The following ANKRD6 variants were observed in gnomAD, a reference collection of about 807,000 sequenced individuals.
ANKRD6 encodes the protein ankyrin repeat domain 6, also known as ankyrin repeat domain-containing protein 6.
In ANKRD6, 56 loss-of-function variants were observed where a neutral mutation model predicts 82.3. The observed-to-expected ratio is 0.68, with a 90% CI of 0.55 to 0.85. The LOEUF (loss-of-function observed/expected upper bound fraction) is 0.85. ANKRD6 is among the 40% of genes least tolerant of loss of function. The pLI is 0.00. For synonymous variants in ANKRD6, 347 were observed against 352.1 expected (o/e 0.99, Z 0.16); for missense variants, 852 against 907.6 (o/e 0.94, Z 0.79).
intron 1 of ANKRD6, among the ~76,000 whole-genome samples, chr6:89,510,123 G>A (rs1438787512): frequency 6.6e-6 from 1 of 152,194 alleles, no homozygotes; most frequent in Non-Finnish European, 1.5e-5. Flanking sequence ...GCCCTCTGCT[G>A]TGGAGACTGG....
At chr6:89,491,601 A>G (rs1347835385) in intron 1 of ANKRD6, among the ~76,000 whole-genome samples, 1 of 151,756 alleles carries the variant, frequency 6.6e-6, no homozygotes, top group African/African-American at 2.4e-5. Flanking sequence ...GAACACTTGG[A>G]CACAGGAAGG....
chr6:89,519,275 C>G (rs568684883), intron 1 of ANKRD6, among the ~76,000 whole-genome samples: 1 of 152,300 alleles, frequency 6.6e-6, no homozygotes, highest in East Asian at 1.9e-4. Flanking sequence ...GAGAAAAGAT[C>G]AGAAGAAGCC....
chr6:89,554,345 C>T (rs147025995), intron 1 of ANKRD6, among the ~76,000 whole-genome samples: 130 of 152,242 alleles, frequency 8.5e-4, no homozygotes, highest in African/African-American at 3.0e-3. Context: ...GGTCACATGG[C>T]CTCTTTTTCT....
At chr6:89,602,972 G>A in intron 3 of ANKRD6, 57 bp from the exon 4 acceptor site, 1 of 1,428,102 alleles carries the variant, frequency 7.0e-7, no homozygotes, top group Non-Finnish European at 9.6e-7. Context: ...AGTGAGTAGT[G>A]CAAGCAGGGG....
intron 3 of ANKRD6, chr6:89,601,973 A>G (rs1797284438): frequency 6.6e-6 from 1 of 152,110 alleles, no homozygotes; most frequent in Non-Finnish European, 1.5e-5. Context: ...AACTTCACAA[A>G]ACTCTGACCA....
chr6:89,602,814 C>T, intron 3 of ANKRD6: 2 of 541,128 alleles, frequency 3.7e-6, no homozygotes, highest in South Asian at 4.9e-5. Context: ...AGGTCCCCCT[C>T]TTAGTTTATG....
intron 1 of ANKRD6, among the ~76,000 whole-genome samples, chr6:89,470,765 C>G (rs1328023530): frequency 6.6e-6 from 1 of 152,036 alleles, no homozygotes; most frequent in African/African-American, 2.4e-5. Flanking sequence ...TCTCTTTCCT[C>G]CCTGTTATCT....
At chr6:89,570,592 A>G (rs1183715300) in intron 2 of ANKRD6, among the ~76,000 whole-genome samples, 1 of 152,090 alleles carries the variant, frequency 6.6e-6, no homozygotes, top group African/African-American at 2.4e-5. Flanking sequence ...CCACCATTCT[A>G]CTTCCTGTCT....
At chr6:89,505,212 T>C (rs1425667469) in intron 1 of ANKRD6, among the ~76,000 whole-genome samples, 1 of 152,226 alleles carries the variant, frequency 6.6e-6, no homozygotes, top group Non-Finnish European at 1.5e-5. Context: ...GTATGCACCA[T>C]CTGTGCAATT....
intron 1 of ANKRD6, among the ~76,000 whole-genome samples, chr6:89,504,414 C>T (rs1180185548): frequency 2.6e-5 from 4 of 151,968 alleles, no homozygotes; most frequent in African/African-American, 4.8e-5. Flanking sequence ...CTCGCGCTCT[C>T]GCTCTTTTAG....
intron 3 of ANKRD6, among the ~76,000 whole-genome samples, chr6:89,596,316 C>T (rs1178714981): frequency 1.3e-5 from 2 of 152,050 alleles, no homozygotes; most frequent in Non-Finnish European, 2.9e-5. Flanking sequence ...GGATTTTTGC[C>T]TGTGTCCTGT....
At chr6:89,535,498 A>C (rs2127996720) in intron 1 of ANKRD6, among the ~76,000 whole-genome samples, 1 of 152,342 alleles carries the variant, frequency 6.6e-6, no homozygotes, top group Admixed American at 6.5e-5. Context: ...ATTCGCCAAT[A>C]AATATGGAAC....
In ANKRD6 at chr6:89,566,990, A is replaced by G; in HGVS notation, c.14A>G (p.Asp5Gly). ...CTTTCCTAATTCATGAGCCAGCAAG[A>G]TGCGGTCGCTGCACTTTCAGAGCGC... MSQQ[D>G]AVAALSERLL... Residue 5 changes from aspartate (D) to glycine (G), a missense_variant, in exon 2 of 16, where the codon GAT (aspartate) becomes GGT (glycine). Transcript: ENST00000339746. 1 of 1,595,526 alleles carries G rather than the reference A, an allele frequency of 6.3e-7. No homozygotes were observed. The highest frequency in any genetic ancestry group is 8.5e-7 in the Non-Finnish European group (1 of 1,170,476).
At chr6:89,522,206 A>G (rs1038134838) in intron 1 of ANKRD6, among the ~76,000 whole-genome samples, 3 of 152,222 alleles carry the variant, frequency 2.0e-5, no homozygotes, top group Non-Finnish European at 4.4e-5. Context: ...AAGAATGTCT[A>G]CATGATATGT....
intron 1 of ANKRD6, among the ~76,000 whole-genome samples, chr6:89,534,886 A>G (rs1396420375): frequency 6.6e-6 from 1 of 152,186 alleles, no homozygotes; most frequent in East Asian, 1.9e-4. Context: ...CCTGCCAGAA[A>G]TGTTTTGGAC....
intron 1 of ANKRD6, among the ~76,000 whole-genome samples, chr6:89,486,517 T>C (rs1294732520): frequency 6.6e-6 from 1 of 152,164 alleles, no homozygotes; most frequent in Non-Finnish European, 1.5e-5. Context: ...TATAACAAAA[T>C]ACCATAGACG....
At chr6:89,452,924 A>G (rs902827061) in intron 1 of ANKRD6, among the ~76,000 whole-genome samples, 1 of 152,146 alleles carries the variant, frequency 6.6e-6, no homozygotes, top group Admixed American at 6.5e-5. Context: ...CTTTTTTCTT[A>G]GAAAGGTGAC....
At chr6:89,481,313 A>T (rs1776780306) in intron 1 of ANKRD6, among the ~76,000 whole-genome samples, 1 of 152,200 alleles carries the variant, frequency 6.6e-6, no homozygotes, top group African/African-American at 2.4e-5. Flanking sequence ...AACATCTCAA[A>T]CCTGAAAATC....
intron 8 of ANKRD6, 132 bp downstream of exon 8, chr6:89,616,789 C>G: frequency 1.1e-6 from 1 of 895,030 alleles, no homozygotes. Flanking sequence ...GGAACCACAG[C>G]CCCCAGGGCC....
Sources: allele counts gnomAD v4.1 joint callset (sites outside exome capture counted in the v4.1 genomes callset), GRCh38; gene constraint gnomAD v4.1.1; transcripts MANE v1.5; gene names NCBI Gene and HGNC (gene_info 2026-07-23, HGNC 2026-07-21).